CCDC91: variants seen among roughly 807,000 people sequenced by gnomAD.
CCDC91 encodes coiled-coil domain containing 91, also known as coiled-coil domain-containing protein 91.
Under a neutral mutation model 63.2 loss-of-function variants are expected in CCDC91, and 48 were observed. That is an observed-to-expected ratio of 0.76 (90% confidence interval 0.60 to 0.97). The LOEUF is 0.97. Among genes scored for constraint, CCDC91 ranks in the 50% least tolerant of loss-of-function variants. CCDC91 has a pLI of 0.00. For missense variants in CCDC91, 500 were observed against 494.6 expected (o/e 1.01, Z -0.10); for synonymous variants, 167 against 165.8 (o/e 1.01, Z -0.06).
chr12:28,372,156 G>C (rs1395354711), intron 7 of CCDC91, among the ~76,000 whole-genome samples: 2 of 152,032 alleles, frequency 1.3e-5, no homozygotes, highest in Non-Finnish European at 2.9e-5. Context: ...GTAAGCATTT[G>C]GCTTTATTTC....
chr12:28,465,950 C>G (rs1950528317), intron 11 of CCDC91, among the ~76,000 whole-genome samples: 1 of 151,986 alleles, frequency 6.6e-6, no homozygotes. Context: ...AGAATTCTAT[C>G]AGGTAAATTT....
chr12:28,240,802 G>GGCTATTACAA (rs1269842667), intron 1 of CCDC91, among the ~76,000 whole-genome samples: 2 of 151,974 alleles, frequency 1.3e-5, no homozygotes, highest in African/African-American at 4.8e-5. Flanking sequence ...TCCAGTTTTT[G>GGCTATTACAA]GCTATTACAA....
intron 6 of CCDC91, among the ~76,000 whole-genome samples, chr12:28,336,676 A>G (rs1441812490): frequency 6.6e-6 from 1 of 151,994 alleles, no homozygotes; most frequent in African/African-American, 2.4e-5. Context: ...ATTTTTGGAG[A>G]TGTTTATAAA....
chr12:28,192,664 C>T (rs1302108008), intron 1 of CCDC91, among the ~76,000 whole-genome samples: 1 of 152,128 alleles, frequency 6.6e-6, no homozygotes, highest in Non-Finnish European at 1.5e-5. Flanking sequence ...GGTCTCCTTA[C>T]TGTTCCTCCC....
At chr12:28,205,764 C>T (rs546051610) in intron 1 of CCDC91, among the ~76,000 whole-genome samples, 4 of 152,260 alleles carry the variant, frequency 2.6e-5, no homozygotes, top group South Asian at 4.1e-4. Context: ...ACGCATACTC[C>T]TAAGTTAGGT....
At chr12:28,239,195 T>C (rs1565655470) in intron 1 of CCDC91, among the ~76,000 whole-genome samples, 1 of 151,874 alleles carries the variant, frequency 6.6e-6, no homozygotes, top group Non-Finnish European at 1.5e-5. Flanking sequence ...TGTAGACATA[T>C]ATATGAGAAT....
At chr12:28,331,244 T>C (rs1164689671) in intron 6 of CCDC91, among the ~76,000 whole-genome samples, 1 of 152,238 alleles carries the variant, frequency 6.6e-6, no homozygotes, top group African/African-American at 2.4e-5. Flanking sequence ...CCCCACAGTA[T>C]GTTTAAATAC....
At chr12:28,411,961 A>G (rs1947346054) in intron 8 of CCDC91, among the ~76,000 whole-genome samples, 1 of 152,126 alleles carries the variant, frequency 6.6e-6, no homozygotes, top group African/African-American at 2.4e-5. Context: ...CTACCCCCCA[A>G]CACCACCACA....
intron 12 of CCDC91, among the ~76,000 whole-genome samples, chr12:28,504,806 G>A (rs979491924): frequency 6.6e-6 from 1 of 151,900 alleles, no homozygotes; most frequent in Non-Finnish European, 1.5e-5. Flanking sequence ...AAAAAATGCC[G>A]TGTCTGGCAG....
chr12:28,450,315 T>C (rs933933192), intron 9 of CCDC91, 35 bp from the exon 10 acceptor site: 8 of 1,593,614 alleles, frequency 5.0e-6, no homozygotes, highest in East Asian at 2.2e-5. Flanking sequence ...AAATAATACA[T>C]TTAATGTCTT....
At chr12:28,521,075 G>A (rs1465042638) in intron 12 of CCDC91, among the ~76,000 whole-genome samples, 1 of 152,150 alleles carries the variant, frequency 6.6e-6, no homozygotes, top group Non-Finnish European at 1.5e-5. Context: ...GGTTCCATAT[G>A]AACTTTAAAG....
rs116133429 is a variant in CCDC91, at chr12:28,401,646, C to T, written c.762+10235C>T. 8.1e-3 allele frequency among the ~76,000 whole-genome samples: 1,229 copies of T among 152,184 alleles called. 15 individuals carry two copies. The highest frequency in any genetic ancestry group is 0.029 in the African/African-American group (1,185 of 41,510). Reference sequence around the variant, plus strand: ...AGGAGAACAGCATGGGGGAAATTGCCCCCATGATTCAGTTATCTCCACCTG... The same window carrying T: ...AGGAGAACAGCATGGGGGAAATTGCTCCCATGATTCAGTTATCTCCACCTG... On this transcript the variant is annotated intron_variant, in intron 8 of 12. Coordinates refer to ENST00000536442, the MANE Select transcript of CCDC91 (RefSeq NM_018318.5).
intron 12 of CCDC91, among the ~76,000 whole-genome samples, chr12:28,488,230 A>G (rs533562589): frequency 6.6e-6 from 1 of 151,926 alleles, no homozygotes; most frequent in East Asian, 1.9e-4. Flanking sequence ...ACTAAACTTT[A>G]AAAATACCTA....
At chr12:28,509,564 G>A (rs1031537611) in intron 12 of CCDC91, among the ~76,000 whole-genome samples, 1 of 151,358 alleles carries the variant, frequency 6.6e-6, no homozygotes, top group Admixed American at 6.6e-5. Flanking sequence ...TGACTTAAAG[G>A]GTTTTATTTA....
intron 1 of CCDC91, among the ~76,000 whole-genome samples, chr12:28,217,111 G>A (rs1457972408): frequency 2.0e-5 from 3 of 151,910 alleles, no homozygotes; most frequent in African/African-American, 7.3e-5. Flanking sequence ...AGGAAATTAC[G>A]GCCCGAACTA....
intron 1 of CCDC91, among the ~76,000 whole-genome samples, chr12:28,244,802 G>A (rs910487437): frequency 1.3e-5 from 2 of 151,268 alleles, no homozygotes; most frequent in African/African-American, 2.4e-5. Flanking sequence ...AAAGACAGAA[G>A]CACATTGCAG....
At chr12:28,395,933 A>G (rs1431229510) in intron 8 of CCDC91, among the ~76,000 whole-genome samples, 1 of 152,202 alleles carries the variant, frequency 6.6e-6, no homozygotes, top group Admixed American at 6.5e-5. Context: ...TTATTTAATG[A>G]GGGACTTTTG....
At chr12:28,433,187 A>G (rs1387102233) in intron 8 of CCDC91, among the ~76,000 whole-genome samples, 3 of 151,782 alleles carry the variant, frequency 2.0e-5, no homozygotes, top group Non-Finnish European at 2.9e-5. Context: ...TCCTGACACT[A>G]TCTTTCATGG....
At chr12:28,517,017 G>A (rs1169276655) in intron 12 of CCDC91, among the ~76,000 whole-genome samples, 1 of 151,858 alleles carries the variant, frequency 6.6e-6, no homozygotes, top group African/African-American at 2.4e-5. Context: ...GTGAATCTTT[G>A]TTGTGTCAAT....
Sources: allele counts gnomAD v4.1 joint callset (sites outside exome capture counted in the v4.1 genomes callset), GRCh38; gene constraint gnomAD v4.1.1; transcripts MANE v1.5; gene names NCBI Gene and HGNC (gene_info 2026-07-23, HGNC 2026-07-21).